COL5A3: variants seen among roughly 807,000 people sequenced by gnomAD.
COL5A3 encodes the protein collagen alpha-3(V) chain.
A neutral mutation model predicts 250.0 loss-of-function variants in COL5A3; 172 were observed. The observed-to-expected ratio is 0.69, with a 90% CI of 0.61 to 0.78. The LOEUF (loss-of-function observed/expected upper bound fraction) is 0.78. COL5A3 is among the 30% of genes least tolerant of loss of function. The pLI, the probability that COL5A3 is intolerant of heterozygous loss-of-function variation, is 0.00. For synonymous variants in COL5A3, 937 were observed against 900.4 expected (o/e 1.04, Z -0.73); for missense variants, 2,340 against 2,334.4 (o/e 1.00, Z -0.05).
chr19:9,996,087 C>T lies in COL5A3; in HGVS notation c.1512G>A (p.Glu504=). 1.3e-6 allele frequency: 2 copies of T among 1,585,176 alleles called. No homozygotes were observed. The highest frequency in any genetic ancestry group is 1.7e-6 in the Non-Finnish European group (2 of 1,166,762). The change falls in exon 15 of 67, where the codon GAG becomes GAA. Residue 504 remains glutamate (E), a synonymous_variant. Transcript: ENST00000264828. ...TCACCTGTGGCCCTTCTGCTCCCTC[C>T]TCTCCTTTCAGACCTGGATGCCCGG... ...GLPGHPGLKG[E]EGAEGPQGPR...
chr19:10,002,456 A>G lies in COL5A3; in HGVS notation c.850-575T>C, dbSNP rs1057059200. Among the ~76,000 whole-genome samples the G allele has an allele frequency of 2.8e-5, 3 of 106,726 alleles. No individual in the cohort carries two copies. The Admixed American group carries it at 3.3e-4, about 12-fold the overall frequency. The allele number at this position is 106,726 out of a possible 152,430, so 70.0% of individuals were successfully genotyped here. A position where few individuals can be genotyped will look rare whatever the true frequency, so the allele number is the denominator to read the frequency against. ...CCAAAGACCCCAAGCAATGACCCCCACCAAGGACCCCCCAACCCAGTGACC... is the reference window on the plus strand; with the variant it reads ...CCAAAGACCCCAAGCAATGACCCCCGCCAAGGACCCCCCAACCCAGTGACC... On this transcript the variant is annotated intron_variant, in intron 6 of 66. Coordinates refer to ENST00000264828, the MANE Select transcript of COL5A3 (RefSeq NM_015719.4).
In COL5A3 at chr19:9,974,359, T is replaced by C. The variant is rs1025483495; in HGVS notation, c.3392A>G (p.Gln1131Arg). ...GRRGPPGLFG[Q>R]KGDDGVRGFV... ...GCCTCTGACTCCGTCATCTCCTTTCTGCCCAAAGAGGCCTGGGGGTCCCCG... is the reference window on the plus strand; with the variant it reads ...GCCTCTGACTCCGTCATCTCCTTTCCGCCCAAAGAGGCCTGGGGGTCCCCG... The change falls in exon 46 of 67, where the codon CAG becomes CGG. Residue 1131 changes from glutamine (Q) to arginine (R), a missense_variant. This residue lies in a region of COL5A3 where 1,179 missense variants were observed against 1,162.6 expected (regional missense o/e 1.01). Coordinates refer to ENST00000264828, the MANE Select transcript of COL5A3 (RefSeq NM_015719.4). 21 of 1,612,566 alleles carry C rather than the reference T, an allele frequency of 1.3e-5. No individual in the cohort carries two copies. Among genetic ancestry groups the C allele is most frequent in the Non-Finnish European group, 1.8e-5 (21 of 1,179,418 alleles).
At chr19:10,003,938 AC>A in intron 5 of COL5A3, 102 bp downstream of exon 5, 1 of 1,095,652 alleles carries the variant, frequency 9.1e-7, no homozygotes, top group South Asian at 1.3e-5. Flanking sequence ...GGGTCACTTA[AC>A]CCCATGTCTG....
At chr19:9,964,351 A>C (rs2086709264) in intron 64 of COL5A3, among the ~76,000 whole-genome samples, 1 of 151,732 alleles carries the variant, frequency 6.6e-6, no homozygotes, top group African/African-American at 2.4e-5. Flanking sequence ...TATAATCACA[A>C]TACCTTGGGA....
intron 42 of COL5A3, 55 bp downstream of exon 42, chr19:9,977,539 G>A (rs2086940074): frequency 6.6e-7 from 1 of 1,510,448 alleles, no homozygotes; most frequent in Non-Finnish European, 8.9e-7. Flanking sequence ...GTCCTGGGAT[G>A]TGGCAGGGCC....
At chr19:10,006,707 C>T (rs1478596377) in intron 1 of COL5A3, among the ~76,000 whole-genome samples, 1 of 151,908 alleles carries the variant, frequency 6.6e-6, no homozygotes, top group Non-Finnish European at 1.5e-5. Context: ...ACCACCATCA[C>T]CCACAACCTC....
intron 10 of COL5A3, 97 bp downstream of exon 10, chr19:9,997,887 C>T: frequency 7.4e-7 from 1 of 1,353,812 alleles, no homozygotes; most frequent in South Asian, 1.2e-5. Flanking sequence ...CTCCACTTGG[C>T]CAGGCAACAT....
chr19:9,986,559 ACCTTTGAGCCCCACATCGCCCTTGAAG>A lies in COL5A3; in HGVS notation c.2211_2237del (p.Phe738_Gly746del). 1 of 1,613,002 alleles carries A rather than the reference ACCTTTGAGCCCCACATCGCCCTTGAAG, an allele frequency of 6.2e-7. No individual in the cohort carries two copies. The highest frequency in any genetic ancestry group is 1.1e-5 in the South Asian group (1 of 91,018). On this transcript the variant is annotated inframe_deletion, in exon 29 of 67. Transcript: ENST00000264828. The stretch of plus-strand genomic sequence containing the variant: ...CATCTGGAGCTGGTCTTACCTGATC[ACCTTTGAGCCCCACATCGCCCTTGAAG>A]CCTGGGAAGCCGTCCTCTCCCTGGG...
chr19:9,997,597 C>T (rs1405128812), intron 10 of COL5A3, among the ~76,000 whole-genome samples, 164 bp from the exon 11 acceptor site: 1 of 152,020 alleles, frequency 6.6e-6, no homozygotes, highest in African/African-American at 2.4e-5. Context: ...CCCAACGCTA[C>T]TCTCGGACCC....
At position 9,996,233 on chromosome 19, in the gene COL5A3, CA is replaced by C. The variant is rs1440903767; in HGVS notation, c.1451del (p.Val484GlyfsTer18). The C allele has an allele frequency of 6.3e-7, 1 of 1,578,008 alleles. No homozygotes were observed. The highest frequency in any genetic ancestry group is 8.6e-7 in the Non-Finnish European group (1 of 1,164,272). The part of the protein sequence containing the change: ...QLSMKGPPGP[V>X]GLTGRPGPVG... ...CAGGGCCTGGGCGCCCAGTGAGCCC[CA>C]CTGGACCAGGGGGGCCTTTCATAGA... On this transcript the variant is annotated frameshift_variant, in exon 14 of 67. Transcript: ENST00000264828. LOFTEE classifies it high-confidence loss of function.
Position 9,986,372 on chromosome 19 carries a change from CG to C in COL5A3, c.2294del (p.Pro765ArgfsTer50), listed in dbSNP as rs780308780. The C allele has an allele frequency of 1.9e-5, 31 of 1,606,512 alleles. No homozygotes were observed. The highest frequency in any genetic ancestry group is 2.5e-5 in the Non-Finnish European group (30 of 1,178,788). On this transcript the variant is annotated frameshift_variant, in exon 30 of 67. Transcript: ENST00000264828. LOFTEE classifies it high-confidence loss of function. Reference sequence around the variant, plus strand: ...CGCCAGCCTGCCCCGCCTGCCCCTTCGGCCCCTCAGGACCATCCTCTCCCCG... The same window carrying C: ...CGCCAGCCTGCCCCGCCTGCCCCTTCGCCCCTCAGGACCATCCTCTCCCCG... The part of the protein sequence containing the change: ...GPRGEDGPEG[P>X]KGQAGQAGEE...
rs191569503 is a variant in COL5A3, at chr19:10,009,736, G to A, written c.88+562C>T. 9.2e-5 allele frequency among the ~76,000 whole-genome samples: 14 copies of A among 152,192 alleles called. No homozygotes were observed. Among genetic ancestry groups the A allele is most frequent in the African/African-American group, 2.9e-4 (12 of 41,526 alleles). The stretch of plus-strand genomic sequence containing the variant: ...GCAAAGGAAACTGTGGGTTCCCGAA[G>A]AGCACCCCCCAATACTTGTCCCCAC... On this transcript the variant is annotated intron_variant, in intron 1 of 66. Coordinates refer to ENST00000264828, the MANE Select transcript of COL5A3 (RefSeq NM_015719.4). This position sits in a 1 kb window ranked among gnomAD's most constrained non-coding sequence, Gnocchi z 4.4.
intron 8 of COL5A3, among the ~76,000 whole-genome samples, chr19:10,000,841 A>C (rs2087349873): frequency 6.6e-6 from 1 of 152,102 alleles, no homozygotes; most frequent in Non-Finnish European, 1.5e-5. Context: ...TAACACAGGA[A>C]CAGAAGACCA....
chr19:9,979,309 C>T, intron 38 of COL5A3, 55 bp downstream of exon 38: 1 of 1,610,014 alleles, frequency 6.2e-7, no homozygotes, highest in Non-Finnish European at 8.5e-7. Context: ...CAGCTTTCCC[C>T]TAAATATCCC....
intron 61 of COL5A3, 168 bp downstream of exon 61, chr19:9,967,736 G>A: frequency 1.5e-6 from 1 of 650,054 alleles, no homozygotes; most frequent in Non-Finnish European, 2.5e-6. Context: ...ATAATTGATG[G>A]CATTTTGGAT....
At chr19:9,998,332 C>G (rs1050167807) in intron 8 of COL5A3, among the ~76,000 whole-genome samples, 183 bp from the exon 9 acceptor site, 4 of 152,108 alleles carry the variant, frequency 2.6e-5, no homozygotes, top group African/African-American at 9.7e-5. Context: ...CCGCATCCAC[C>G]GGGCAATGCC....
chr19:9,974,527 A>G, intron 45 of COL5A3, 119 bp from the exon 46 acceptor site: 1 of 702,106 alleles, frequency 1.4e-6, no homozygotes, highest in Non-Finnish European at 2.2e-6. Flanking sequence ...AAGTTTAGAG[A>G]GGGTCAGTGT....
At chr19:9,980,165 G>C (rs1239009826) in intron 35 of COL5A3, 118 bp from the exon 36 acceptor site, 1 of 968,676 alleles carries the variant, frequency 1.0e-6, no homozygotes, top group Non-Finnish European at 1.5e-6. Flanking sequence ...TGCCAGGCAT[G>C]GGCAGGGCAT....
chr19:10,009,744 C>T lies in COL5A3; in HGVS notation c.88+554G>A, dbSNP rs1422393783. On this transcript the variant is annotated intron_variant, in intron 1 of 66. Coordinates refer to ENST00000264828, the MANE Select transcript of COL5A3 (RefSeq NM_015719.4). This position sits in a 1 kb window ranked among gnomAD's most constrained non-coding sequence, Gnocchi z 4.4. ...AACTGTGGGTTCCCGAAGAGCACCC[C>T]CCAATACTTGTCCCCACCCACCTTC... is the stretch of plus-strand genomic sequence containing the variant. Among the ~76,000 whole-genome samples, 1 of 152,026 alleles carries T rather than the reference C, an allele frequency of 6.6e-6. No individual in the cohort carries two copies. Among genetic ancestry groups the T allele is most frequent in the Non-Finnish European group, 1.5e-5 (1 of 67,998 alleles).
Sources: gnomAD v4.1 joint callset for allele counts (sites outside exome capture counted in the v4.1 genomes callset) on GRCh38, gnomAD v4.1.1 for gene constraint, gnomAD v4.1.1 regional missense constraint, Gnocchi (gnomAD v3.1) non-coding constraint, MANE v1.5 for transcripts, NCBI Gene and HGNC (gene_info 2026-07-23, HGNC 2026-07-21) for gene names.